Variants in TXNRD1 observed in about 807,000 individuals in gnomAD.
The protein encoded by TXNRD1 is thioredoxin reductase 1, cytoplasmic.
A neutral mutation model predicts 80.3 loss-of-function variants in TXNRD1; 57 were observed. The ratio of observed to expected loss-of-function variants is 0.71; its 90% CI spans 0.57 to 0.89. TXNRD1 has a LOEUF of 0.89. Ranked by LOEUF, TXNRD1 falls within the 40% of genes least tolerant of loss-of-function variation. TXNRD1 has a pLI of 0.00. For missense variants in TXNRD1, 730 were observed against 803.0 expected, an observed-to-expected ratio of 0.91 and a Z score of 1.10; for synonymous variants, 291 against 285.2, an observed-to-expected ratio of 1.02 and a Z score of -0.20.
chr12:104,293,388 G>C (rs1310698038), intron 4 of TXNRD1, among the ~76,000 whole-genome samples: 1 of 152,210 alleles, frequency 6.6e-6, no homozygotes, highest in Non-Finnish European at 1.5e-5. Context: ...TTAATATCCA[G>C]GTGAATTTTG....
At chr12:104,227,764 G>C (rs7297956) in intron 1 of TXNRD1, among the ~76,000 whole-genome samples, 102,353 of 151,984 alleles carry the variant, frequency 0.67, 34,866 homozygotes, top group South Asian at 0.76. Context: ...TCAGGAATGC[G>C]ATATAAATGG....
intron 6 of TXNRD1, among the ~76,000 whole-genome samples, chr12:104,315,447 G>T (rs1038956330): frequency 7.9e-5 from 12 of 152,186 alleles, no homozygotes; most frequent in African/African-American, 2.7e-4. Flanking sequence ...CGTAAGTCGG[G>T]TCGTCTGTAT....
intron 1 of TXNRD1, among the ~76,000 whole-genome samples, chr12:104,238,026 A>G (rs4609668): frequency 0.67 from 102,191 of 151,892 alleles, 34,968 homozygotes; most frequent in Non-Finnish European, 0.74. Flanking sequence ...AAAAAGAAAA[A>G]AAGAAAAAAG....
chr12:104,327,800 G>A (rs888691807), intron 13 of TXNRD1, 129 bp downstream of exon 13: 32 of 928,586 alleles, frequency 3.4e-5, no homozygotes, highest in Non-Finnish European at 4.9e-5. Flanking sequence ...CATCCTAGAT[G>A]TCCTTTATTA....
At chr12:104,334,176 A>G (rs1472849346) in intron 14 of TXNRD1, 61 bp from the exon 15 acceptor site, 33 of 751,590 alleles carry the variant, frequency 4.4e-5, no homozygotes, top group Non-Finnish European at 6.6e-5. Flanking sequence ...TTCACCATAT[A>G]TGTTTGACAG....
At chr12:104,331,512 C>T (rs1342424289) in intron 13 of TXNRD1, 22 bp from the exon 14 acceptor site, 3 of 1,526,756 alleles carry the variant, frequency 2.0e-6, no homozygotes, top group Non-Finnish European at 2.7e-6. Context: ...TATTATAACT[C>T]CTTACCTCCA....
chr12:104,305,196 G>A, intron 4 of TXNRD1: 2 of 305,836 alleles, frequency 6.5e-6, no homozygotes, highest in Non-Finnish European at 1.2e-5. Context: ...AACAAGTTTT[G>A]GATACCAAAT....
chr12:104,222,263 C>T (rs1400735765), intron 1 of TXNRD1, among the ~76,000 whole-genome samples: 1 of 151,932 alleles, frequency 6.6e-6, no homozygotes, highest in Non-Finnish European at 1.5e-5. Flanking sequence ...GTGGCTGGGA[C>T]AGAAAACAGT....
intron 3 of TXNRD1, among the ~76,000 whole-genome samples, chr12:104,282,663 A>G (rs1638574497): frequency 6.6e-6 from 1 of 152,096 alleles, no homozygotes; most frequent in African/African-American, 2.4e-5. Context: ...GGTGGTGGTA[A>G]CTGCAAGGGT....
Position 104,260,618 on chromosome 12 carries a change from C to T in TXNRD1, c.304+2539C>T, listed in dbSNP as rs536390014. On this transcript the variant is annotated intron_variant, in intron 3 of 16. Transcript: ENST00000525566. ...AATACCATGTTGTCTGGCTCCTCTA[C>T]GGTGACCCTTCTATTCCTTCATCAA... is the stretch of plus-strand genomic sequence containing the variant. Among the ~76,000 whole-genome samples the T allele has an allele frequency of 4.0e-4, 61 of 152,308 alleles. No homozygotes were observed. In the South Asian group the frequency reaches 8.9e-3, roughly 22 times the overall value.
intron 1 of TXNRD1, 35 bp downstream of exon 1, chr12:104,215,928 G>C (rs1593671021): frequency 6.6e-7 from 1 of 1,525,824 alleles, no homozygotes; most frequent in Non-Finnish European, 8.9e-7. Context: ...TCCCCAGGTC[G>C]ACGGGCCGAA....
intron 7 of TXNRD1, among the ~76,000 whole-genome samples, chr12:104,317,945 G>C (rs1286021955): frequency 1.3e-5 from 2 of 152,214 alleles, no homozygotes; most frequent in Non-Finnish European, 2.9e-5. Context: ...TTTGAGACCA[G>C]CCTGGCCAAC....
intron 3 of TXNRD1, among the ~76,000 whole-genome samples, chr12:104,266,380 G>T (rs1404015670): frequency 6.6e-6 from 1 of 151,758 alleles, no homozygotes; most frequent in East Asian, 1.9e-4. Flanking sequence ...ACAAAAATTA[G>T]CTGGGCATGG....
At chr12:104,329,132 TTGAC>T (rs957878280) in intron 13 of TXNRD1, among the ~76,000 whole-genome samples, 15 of 152,212 alleles carry the variant, frequency 9.9e-5, no homozygotes, top group Admixed American at 9.2e-4. Context: ...GAATGCCAGA[TTGAC>T]TGATTATTGA....
chr12:104,322,343 C>T (rs1472731146), intron 10 of TXNRD1, among the ~76,000 whole-genome samples: 2 of 144,512 alleles, frequency 1.4e-5, no homozygotes, highest in East Asian at 2.0e-4. Context: ...GCTGTCAGTG[C>T]TTGATTACTG....
At chr12:104,290,329 A>G (rs1332713697) in intron 4 of TXNRD1, among the ~76,000 whole-genome samples, 1 of 152,186 alleles carries the variant, frequency 6.6e-6, no homozygotes, top group Non-Finnish European at 1.5e-5. Flanking sequence ...TTTTAGCTTT[A>G]GTTAAAATAT....
At chr12:104,311,534 AC>A (rs1330808583) in intron 5 of TXNRD1, 122 bp downstream of exon 5, 1 of 1,302,414 alleles carries the variant, frequency 7.7e-7, no homozygotes, top group East Asian at 2.4e-5. Context: ...GACATTTTGC[AC>A]ATTAACTTGG....
intron 2 of TXNRD1, among the ~76,000 whole-genome samples, chr12:104,257,357 C>T (rs1330909870): frequency 6.7e-6 from 1 of 150,232 alleles, no homozygotes; most frequent in African/African-American, 2.4e-5. Flanking sequence ...ATATATTTTT[C>T]CCAGGTTTGC....
intron 3 of TXNRD1, among the ~76,000 whole-genome samples, chr12:104,270,227 C>G (rs1323708601): frequency 2.6e-5 from 4 of 152,198 alleles, no homozygotes; most frequent in Non-Finnish European, 4.4e-5. Context: ...TTTCAGCTTA[C>G]TTTGCCCAGA....
Sources: allele counts gnomAD v4.1 joint callset (sites outside exome capture counted in the v4.1 genomes callset), GRCh38; gene constraint gnomAD v4.1.1; transcripts MANE v1.5; gene names NCBI Gene and HGNC (gene_info 2026-07-23, HGNC 2026-07-21).